The following XKR9 variants were observed in gnomAD, a reference collection of about 807,000 sequenced individuals.
The protein encoded by XKR9 is XK-related protein 9.
A neutral mutation model predicts 32.0 loss-of-function variants in XKR9; 32 were observed. The ratio of observed to expected loss-of-function variants is 1.00; its 90% CI spans 0.76 to 1.34. The LOEUF (loss-of-function observed/expected upper bound fraction) is 1.34, where lower values mean the gene tolerates loss of function less well. Ranked by LOEUF, XKR9 falls within the 40% of genes most tolerant of loss-of-function variation. XKR9 has a pLI of 0.00. For missense variants in XKR9, 546 were observed against 429.7 expected, an observed-to-expected ratio of 1.27 and a Z score of -2.39; for synonymous variants, 168 against 143.4, an observed-to-expected ratio of 1.17 and a Z score of -1.22.
the XKR9 span, among the ~76,000 whole-genome samples, chr8:70,910,165 C>T: frequency 6.6e-6 from 1 of 151,884 alleles, no homozygotes; most frequent in Non-Finnish European, 1.5e-5. Context: ...GGGTCTGAGG[C>T]AGTGAATGAC....
At chr8:70,885,806 C>A in the XKR9 span, among the ~76,000 whole-genome samples, 3 of 152,138 alleles carry the variant, frequency 2.0e-5, no homozygotes, top group South Asian at 6.2e-4. Context: ...CTGTGTTAGC[C>A]AGGATGGTCT....
the XKR9 span, among the ~76,000 whole-genome samples, chr8:71,050,260 TAGATAGATAGATAGATATAG>T: frequency 1.1e-4 from 12 of 107,918 alleles, no homozygotes; most frequent in South Asian, 3.1e-4. Flanking sequence ...TATATATATA[TAGATAGATAGATAGATATAG>T]ATATAGATAT....
At chr8:70,837,042 G>T in the XKR9 span, among the ~76,000 whole-genome samples, 3 of 152,066 alleles carry the variant, frequency 2.0e-5, no homozygotes, top group African/African-American at 7.2e-5. Context: ...GAGCCTGAAT[G>T]GTTCAAAATA....
At chr8:70,806,116 C>A in the XKR9 span, among the ~76,000 whole-genome samples, 5 of 152,118 alleles carry the variant, frequency 3.3e-5, no homozygotes, top group African/African-American at 1.2e-4. Context: ...CGGGAGTGAA[C>A]CAGATGAATG....
chr8:70,787,325 A>T (rs1267066717), intron 2 of XKR9, among the ~76,000 whole-genome samples: 1 of 152,156 alleles, frequency 6.6e-6, no homozygotes, highest in Non-Finnish European at 1.5e-5. Flanking sequence ...AGAAAATTTT[A>T]GGGGATAATG....
chr8:70,742,082 A>T (rs1420631721), intron 2 of XKR9, among the ~76,000 whole-genome samples: 1 of 150,716 alleles, frequency 6.6e-6, no homozygotes, highest in Non-Finnish European at 1.5e-5. Flanking sequence ...TTATGTGCTT[A>T]TTGGCCATTC....
At chr8:71,054,832 G>T in the XKR9 span, among the ~76,000 whole-genome samples, 1 of 152,090 alleles carries the variant, frequency 6.6e-6, no homozygotes, top group African/African-American at 2.4e-5. Flanking sequence ...CTCTGCGCAG[G>T]TGTTGCTAAA....
the XKR9 span, among the ~76,000 whole-genome samples, chr8:71,010,922 C>G: frequency 6.6e-6 from 1 of 152,150 alleles, no homozygotes; most frequent in African/African-American, 2.4e-5. Context: ...TTCCAGGGGA[C>G]TGCTGAAAAA....
the XKR9 span, among the ~76,000 whole-genome samples, chr8:70,903,384 GA>G: frequency 6.6e-6 from 1 of 152,078 alleles, no homozygotes; most frequent in Non-Finnish European, 1.5e-5. Flanking sequence ...ATGTGTCCAG[GA>G]ATTTATCCAT....
intron 4 of XKR9, among the ~76,000 whole-genome samples, chr8:70,714,638 A>G (rs1806030550): frequency 6.6e-6 from 1 of 152,110 alleles, no homozygotes; most frequent in Admixed American, 6.6e-5. Context: ...GAAAACCTCT[A>G]TCAATTTCTT....
At chr8:70,822,308 GC>G in the XKR9 span, among the ~76,000 whole-genome samples, 1 of 151,968 alleles carries the variant, frequency 6.6e-6, no homozygotes, top group East Asian at 1.9e-4. Flanking sequence ...CATCAGGATA[GC>G]TTTAGGGGTT....
chr8:71,000,537 A>G, the XKR9 span, among the ~76,000 whole-genome samples: 20 of 152,324 alleles, frequency 1.3e-4, no homozygotes, highest in Non-Finnish European at 2.1e-4. Flanking sequence ...AAAAAAACAA[A>G]AAGACTGGAT....
chr8:70,987,016 T>C, the XKR9 span, among the ~76,000 whole-genome samples: 1 of 152,080 alleles, frequency 6.6e-6, no homozygotes, highest in Admixed American at 6.5e-5. Context: ...AACCACCAAA[T>C]CTCATGTGAC....
At chr8:70,947,275 C>T in the XKR9 span, among the ~76,000 whole-genome samples, 2 of 152,196 alleles carry the variant, frequency 1.3e-5, no homozygotes, top group African/African-American at 4.8e-5. Context: ...GACTAAGTTA[C>T]AGCATCTGGA....
chr8:70,980,000 C>T, the XKR9 span, among the ~76,000 whole-genome samples: 6 of 152,228 alleles, frequency 3.9e-5, no homozygotes, highest in South Asian at 4.1e-4. Context: ...CTTGCTGCCT[C>T]GCAGTTCGAT....
chr8:70,885,022 C>T, the XKR9 span, among the ~76,000 whole-genome samples: 1 of 152,024 alleles, frequency 6.6e-6, no homozygotes, highest in Non-Finnish European at 1.5e-5. Flanking sequence ...AATAACTCTC[C>T]ATTTGTTTAG....
chr8:70,977,864 G>A, the XKR9 span, among the ~76,000 whole-genome samples: 4 of 152,156 alleles, frequency 2.6e-5, no homozygotes, highest in African/African-American at 9.7e-5. Context: ...TATTGTGTGG[G>A]AGTCTAATTC....
At chr8:70,958,354 C>G in the XKR9 span, among the ~76,000 whole-genome samples, 1 of 152,290 alleles carries the variant, frequency 6.6e-6, no homozygotes, top group South Asian at 2.1e-4. Context: ...CACAACCTCA[C>G]CAGCATCTGT....
chr8:70,876,218 CTTTTT>C, the XKR9 span, among the ~76,000 whole-genome samples: 1 of 101,478 alleles, frequency 9.9e-6, no homozygotes, highest in Non-Finnish European at 1.8e-5. Context: ...AAGATTCGTT[CTTTTT>C]TTTTTTTTTT....
Sources: allele counts gnomAD v4.1 joint callset (sites outside exome capture counted in the v4.1 genomes callset), GRCh38; gene constraint gnomAD v4.1.1; transcripts MANE v1.5; gene names NCBI Gene and HGNC (gene_info 2026-07-23, HGNC 2026-07-21).